Variants in GPR161 observed in about 807,000 individuals in gnomAD.
GPR161 encodes the protein G-protein coupled receptor RE2.
Under a neutral mutation model 39.2 loss-of-function variants are expected in GPR161, and 25 were observed. The observed-to-expected ratio is 0.64, with a 90% CI of 0.47 to 0.89. The LOEUF is 0.89. Ranked by LOEUF, GPR161 falls within the 40% of genes least tolerant of loss-of-function variation. GPR161 has a pLI of 0.00. For synonymous variants in GPR161, 286 were observed against 276.6 expected (o/e 1.03, Z -0.34); for missense variants, 547 against 677.8 (o/e 0.81, Z 2.14).
Position 168,085,491 on chromosome 1 carries a change from C to T in GPR161, c.*40G>A, listed in dbSNP as rs563197184. 1.3e-5 allele frequency: 20 copies of T among 1,579,620 alleles called. No individual in the cohort carries two copies. In the African/African-American group the frequency reaches 1.9e-4, roughly 15 times the overall value. ...GCGGTGATGGGAACTCCTCCCCGGG[C>T]CAGCCTCTCAGGCTGCAGCCCCACG... is the stretch of plus-strand genomic sequence containing the variant. On this transcript the variant is annotated 3_prime_UTR_variant, in exon 6 of 6. Coordinates refer to ENST00000682931, the MANE Select transcript of GPR161 (RefSeq NM_001375883.1).
At position 168,085,391 on chromosome 1, in the gene GPR161, T is replaced by A. The variant is rs1301659015; in HGVS notation, c.*140A>T. ...TATTTTCAGTCCTTGTCCTGGTGGC[T>A]GCATACCAGATGCTGCTCCTTCCCT... On this transcript the variant is annotated 3_prime_UTR_variant, in exon 6 of 6. Transcript: ENST00000682931. 2.5e-5 allele frequency: 18 copies of A among 730,774 alleles called. 1 individual carries two copies. Among genetic ancestry groups the A allele is most frequent in the Non-Finnish European group, 3.9e-5 (17 of 432,298 alleles). The allele number at this position is 730,774 out of a possible 1,614,324, so 45.3% of individuals were successfully genotyped here.
chr1:168,105,742 C>T (rs908710204), intron 1 of GPR161, among the ~76,000 whole-genome samples: 2 of 152,202 alleles, frequency 1.3e-5, no homozygotes, highest in African/African-American at 2.4e-5. Flanking sequence ...TGGCTAAAGC[C>T]GCAGGTTGAC....
chr1:168,104,355 G>A (rs957062956), intron 2 of GPR161, 122 bp downstream of exon 2: 10 of 735,828 alleles, frequency 1.4e-5, no homozygotes, highest in African/African-American at 1.8e-5. Flanking sequence ...ACTCCACCTG[G>A]TCATCCTCCC....
intron 1 of GPR161, among the ~76,000 whole-genome samples, chr1:168,131,311 T>A (rs1436041681): frequency 1.3e-5 from 2 of 151,490 alleles, no homozygotes; most frequent in African/African-American, 4.8e-5. Context: ...CCCTGCCACC[T>A]GCAGAATTTA....
intron 1 of GPR161, among the ~76,000 whole-genome samples, chr1:168,119,281 TATATATAC>T (rs1697962754): frequency 7.3e-6 from 1 of 137,040 alleles, no homozygotes; most frequent in African/African-American, 3.1e-5. Flanking sequence ...TATATATATA[TATATATAC>T]ACATATATAC....
intron 3 of GPR161, among the ~76,000 whole-genome samples, chr1:168,092,388 A>G (rs1165030193): frequency 6.6e-6 from 1 of 152,224 alleles, no homozygotes; most frequent in East Asian, 1.9e-4. Flanking sequence ...GGTCTGAGCC[A>G]GGCCAATGCG....
In GPR161 at chr1:168,080,084, A is replaced by G. The variant is rs1279039086; in HGVS notation, c.*5447T>C. 1 of 152,224 alleles carries G rather than the reference A, an allele frequency of 6.6e-6. No individual in the cohort carries two copies. The highest frequency in any genetic ancestry group is 1.9e-4 in the East Asian group (1 of 5,196). The allele number at this position is 152,224 out of a possible 1,614,324, so 9.4% of individuals were successfully genotyped here. On this transcript the variant is annotated 3_prime_UTR_variant, in exon 6 of 6. Transcript: ENST00000682931. ...TTTGTGCTTTGATGTTTTCAAAGGA[A>G]TCTTCAAGGTATTGGAAATACTTTG...
chr1:168,126,430 T>C (rs1237681745), intron 1 of GPR161, among the ~76,000 whole-genome samples: 1 of 152,170 alleles, frequency 6.6e-6, no homozygotes, highest in Non-Finnish European at 1.5e-5. Context: ...CAGACATTCA[T>C]GTCTTCTCAT....
At position 168,110,509 on chromosome 1, in the gene GPR161, G is replaced by GAAA. The variant is rs113090044; in HGVS notation, c.-44-5618_-44-5616dup. ...GTGAGACCCTGTCAACATTAAAAAA[G>GAAA]AAAAAAAAAAAAACGAAAGAAAGGA... On this transcript the variant is annotated intron_variant, in intron 1 of 5. Transcript: ENST00000682931. 3.9e-4 allele frequency among the ~76,000 whole-genome samples: 10 copies of GAAA among 25,874 alleles called. 1 individual carries two copies. Among genetic ancestry groups the GAAA allele is most frequent in the Non-Finnish European group, 7.6e-4 (10 of 13,218 alleles). 17.0% of individuals were successfully genotyped at this position (25,874 alleles called of 152,430 possible). A position where few individuals can be genotyped will look rare whatever the true frequency, so the allele number is the denominator to read the frequency against.
chr1:168,086,481 A>G (rs1694504499), intron 5 of GPR161, among the ~76,000 whole-genome samples: 1 of 152,168 alleles, frequency 6.6e-6, no homozygotes, highest in Non-Finnish European at 1.5e-5. Context: ...GAAAGTAGGC[A>G]ACCTGTACCC....
rs1465997456 is a variant in GPR161 at position 168,084,688 on chromosome 1, AAC to A, written c.*841_*842del. 8 of 374,400 alleles carry A rather than the reference AAC, an allele frequency of 2.1e-5. No individual in the cohort carries two copies. The highest frequency in any genetic ancestry group is 3.6e-5 in the Non-Finnish European group (7 of 192,890). 23.2% of individuals were successfully genotyped at this position (374,400 alleles called of 1,614,324 possible). A position where few individuals can be genotyped will look rare whatever the true frequency, so the allele number is the denominator to read the frequency against. On this transcript the variant is annotated 3_prime_UTR_variant, in exon 6 of 6. Transcript: ENST00000682931. ...ATGTGAACAAATTCCCTTCCATAAT[AAC>A]AGTTTCTCTATTTCCTGGCTGTGCT...
Position 168,085,335 on chromosome 1 carries a change from T to C in GPR161, c.*196A>G. On this transcript the variant is annotated 3_prime_UTR_variant, in exon 6 of 6. Coordinates refer to ENST00000682931, the MANE Select transcript of GPR161 (RefSeq NM_001375883.1). ...CTAAAAGAAGCTCACATGTGGTCTC[T>C]GGAAATGCTGAAGCTGTGGACTGTA... 1.7e-6 allele frequency: 1 copy of C among 602,866 alleles called. No homozygotes were observed. The highest frequency in any genetic ancestry group is 2.9e-6 in the Non-Finnish European group (1 of 339,842). 37.3% of individuals were successfully genotyped at this position (602,866 alleles called of 1,614,324 possible). A position where few individuals can be genotyped will look rare whatever the true frequency, so the allele number is the denominator to read the frequency against.
intron 1 of GPR161, among the ~76,000 whole-genome samples, chr1:168,120,747 G>A (rs1197071565): frequency 2.6e-5 from 4 of 152,064 alleles, no homozygotes; most frequent in African/African-American, 7.2e-5. Flanking sequence ...GAGATCTGAC[G>A]GTTTTAAAAG....
Position 168,098,363 on chromosome 1 carries a change from T to C in GPR161, c.375-1131A>G, listed in dbSNP as rs971457003. ...GGACTGGCCCTTTAACTGGAAAGGG[T>C]GGGAGGACTCAGACCACAGGGCTGA... On this transcript the variant is annotated intron_variant, in intron 2 of 5. Transcript: ENST00000682931. This position sits in a 1 kb window ranked among gnomAD's most constrained non-coding sequence, Gnocchi z 4.1. Among the ~76,000 whole-genome samples, 1 of 151,862 alleles carries C rather than the reference T, an allele frequency of 6.6e-6. No homozygotes were observed. Among genetic ancestry groups the C allele is most frequent in the African/African-American group, 2.4e-5 (1 of 41,338 alleles).
intron 1 of GPR161, among the ~76,000 whole-genome samples, chr1:168,122,938 A>C (rs765893696): frequency 1.8e-4 from 27 of 152,234 alleles, no homozygotes; most frequent in Admixed American, 6.5e-4. Flanking sequence ...TCCGATCAGC[A>C]CCTAGAAAAG....
intron 1 of GPR161, among the ~76,000 whole-genome samples, chr1:168,132,002 A>AG (rs1431628512): frequency 6.6e-6 from 1 of 152,218 alleles, no homozygotes; most frequent in Non-Finnish European, 1.5e-5. Context: ...CGGTGACTCA[A>AG]GCCTGTAATT....
chr1:168,116,895 G>A (rs1466150507), intron 1 of GPR161, among the ~76,000 whole-genome samples: 1 of 152,178 alleles, frequency 6.6e-6, no homozygotes, highest in Admixed American at 6.5e-5. Context: ...CTGCTTGGGA[G>A]AATGTACCAG....
chr1:168,103,703 G>A (rs541996741), intron 2 of GPR161, among the ~76,000 whole-genome samples: 2 of 152,288 alleles, frequency 1.3e-5, no homozygotes, highest in Admixed American at 1.3e-4. Flanking sequence ...CCAATTCCTG[G>A]TAAATGACAC....
intron 2 of GPR161, among the ~76,000 whole-genome samples, chr1:168,103,611 C>T (rs868838701): frequency 2.6e-5 from 4 of 152,216 alleles, no homozygotes; most frequent in African/African-American, 4.8e-5. Context: ...CAAAAAAGCC[C>T]GGGGACTTGT....
Sources: gnomAD v4.1 joint callset for allele counts (sites outside exome capture counted in the v4.1 genomes callset) on GRCh38, gnomAD v4.1.1 for gene constraint, Gnocchi (gnomAD v3.1) non-coding constraint, MANE v1.5 for transcripts, NCBI Gene and HGNC (gene_info 2026-07-23, HGNC 2026-07-21) for gene names.